The following CDKL3 variants were observed in gnomAD, a reference collection of about 807,000 sequenced individuals.
CDKL3 encodes the protein cyclin dependent kinase like 3.
In CDKL3, 65 loss-of-function variants were observed where a neutral mutation model predicts 69.3. The observed-to-expected ratio is 0.94, with a 90% CI of 0.77 to 1.15. The LOEUF (loss-of-function observed/expected upper bound fraction) is 1.15. Among genes scored for constraint, CDKL3 ranks in the 50% most tolerant of loss-of-function variants. The pLI, the probability that CDKL3 is intolerant of heterozygous loss-of-function variation, is 0.00. For missense variants in CDKL3, 652 were observed against 689.2 expected (o/e 0.95, Z 0.61); for synonymous variants, 202 against 221.6 (o/e 0.91, Z 0.79).
rs553086026 is a variant in CDKL3, at chr5:134,312,261, TA to T, written c.881+30del. 379 of 1,359,982 alleles carry T rather than the reference TA, an allele frequency of 2.8e-4. 2 individuals carry two copies. The highest frequency in any genetic ancestry group is 1.7e-3 in the Admixed American group (79 of 46,754). 84.2% of individuals were successfully genotyped at this position (1,359,982 alleles called of 1,614,324 possible). On this transcript the variant is annotated intron_variant, in intron 7 of 12. Transcript: ENST00000265334. ...AAAATTTCCCAATACAAAATGCTTT[TA>T]AAAAACCCACATTCACTCAAAATGC...
At chr5:134,293,272 G>A (rs1765206713) in intron 8 of CDKL3, among the ~76,000 whole-genome samples, 3 of 151,548 alleles carry the variant, frequency 2.0e-5, no homozygotes, top group South Asian at 2.1e-4. Context: ...TGCCCGCCTC[G>A]GCCTCCCAAA....
chr5:134,320,202 A>G (rs1003675854), intron 5 of CDKL3, among the ~76,000 whole-genome samples: 7 of 152,202 alleles, frequency 4.6e-5, no homozygotes, highest in Non-Finnish European at 1.0e-4. Context: ...GTAATTATCC[A>G]GATTTCACTG....
intron 3 of CDKL3, among the ~76,000 whole-genome samples, chr5:134,358,595 T>C (rs1186138852): frequency 6.6e-6 from 1 of 151,626 alleles, no homozygotes; most frequent in Non-Finnish European, 1.5e-5. Flanking sequence ...GCTTGCTATA[T>C]TTATTTATTT....
Position 134,298,536 on chromosome 5 carries a change from C to T in CDKL3, c.*115G>A, listed in dbSNP as rs984086971. The T allele has an allele frequency of 6.1e-6, 9 of 1,471,608 alleles. No individual in the cohort carries two copies. The African/African-American group carries it at 1.3e-4, about 21-fold the overall frequency. The allele number at this position is 1,471,608 out of a possible 1,614,324, so 91.2% of individuals were successfully genotyped here. A position where few individuals can be genotyped will look rare whatever the true frequency, so the allele number is the denominator to read the frequency against. ...TGCTAACAAAAAAAGCTGGATGATG[C>T]TCATGCACATGGATGGCTGTCTTAA... On this transcript the variant is annotated 3_prime_UTR_variant, in exon 13 of 13. Transcript: ENST00000265334.
intron 4 of CDKL3, among the ~76,000 whole-genome samples, chr5:134,331,258 C>CAGCTTCACAAATG: frequency 6.6e-6 from 1 of 152,250 alleles, no homozygotes; most frequent in African/African-American, 2.4e-5. Flanking sequence ...TGGTCTGCTG[C>CAGCTTCACAAATG]TGCAGGCTTC....
At chr5:134,353,095 A>G (rs1753724625) in intron 3 of CDKL3, among the ~76,000 whole-genome samples, 1 of 152,148 alleles carries the variant, frequency 6.6e-6, no homozygotes, top group Non-Finnish European at 1.5e-5. Context: ...ATTTTTGTAG[A>G]TGATTCATCT....
At position 134,319,342 on chromosome 5, in the gene CDKL3, A is replaced by G; in HGVS notation, c.792+16T>C. The G allele has an allele frequency of 6.7e-7, 1 of 1,495,134 alleles. No individual in the cohort carries two copies. Among genetic ancestry groups the G allele is most frequent in the Non-Finnish European group, 8.9e-7 (1 of 1,126,850 alleles). The allele number at this position is 1,495,134 out of a possible 1,614,324, so 92.6% of individuals were successfully genotyped here. A position where few individuals can be genotyped will look rare whatever the true frequency, so the allele number is the denominator to read the frequency against. On this transcript the variant is annotated intron_variant, in intron 6 of 12. Coordinates refer to ENST00000265334, the MANE Select transcript of CDKL3 (RefSeq NM_001113575.2). ...AAGACTCTGTCTCCGGGGGAGGAAAAAAAAAAAAAACATACATGAACTATA... is the reference window on the plus strand; with the variant it reads ...AAGACTCTGTCTCCGGGGGAGGAAAGAAAAAAAAAACATACATGAACTATA...
rs549085987 is a variant in CDKL3 at position 134,309,856 on chromosome 5, C to T, written c.882-1129G>A. Among the ~76,000 whole-genome samples, 15 of 152,252 alleles carry T rather than the reference C, an allele frequency of 9.9e-5. 1 individual carries two copies. In the South Asian group the frequency reaches 2.7e-3, roughly 27 times the overall value. ...AACTGGCATCTTTTCTTTTCAGACA[C>T]GGTCTCTCTCTGTTGCCCAGGCTGC... On this transcript the variant is annotated intron_variant, in intron 7 of 12. Coordinates refer to ENST00000265334, the MANE Select transcript of CDKL3 (RefSeq NM_001113575.2).
downstream of CDKL3, among the ~76,000 whole-genome samples, chr5:134,297,547 T>C (rs936513632): frequency 3.3e-5 from 5 of 152,034 alleles, no homozygotes; most frequent in Admixed American, 2.0e-4. Context: ...TTTTTAACCA[T>C]GTAATGTAAT....
chr5:134,340,640 A>G (rs1395300401), intron 4 of CDKL3, among the ~76,000 whole-genome samples: 1 of 152,182 alleles, frequency 6.6e-6, no homozygotes, highest in Non-Finnish European at 1.5e-5. Context: ...GAAAAACACA[A>G]ACTACTGAAA....
At chr5:134,297,691 C>T (rs905158822), downstream of CDKL3, among the ~76,000 whole-genome samples, 2 of 151,314 alleles carry the variant, frequency 1.3e-5, no homozygotes, top group South Asian at 2.1e-4. Flanking sequence ...AAGCGATTCT[C>T]GTGCTTCAGC....
At chr5:134,302,767 T>C (rs1336295921) in intron 11 of CDKL3, 80 bp from the exon 12 acceptor site, 8 of 710,696 alleles carry the variant, frequency 1.1e-5, no homozygotes, top group Middle Eastern at 3.6e-4. Context: ...GAATTTCAAA[T>C]AGAAATCCAC....
chr5:134,310,933 A>G (rs1769295824), intron 7 of CDKL3, among the ~76,000 whole-genome samples: 3 of 152,156 alleles, frequency 2.0e-5, no homozygotes, highest in Admixed American at 2.0e-4. Flanking sequence ...TCCATATCTG[A>G]CCTTAGCTCC....
chr5:134,313,877 C>A (rs867280346), intron 6 of CDKL3, among the ~76,000 whole-genome samples: 1 of 151,898 alleles, frequency 6.6e-6, no homozygotes, highest in Non-Finnish European at 1.5e-5. Context: ...GTGGCTCATG[C>A]GTGTAATCCC....
chr5:134,320,286 A>G (rs1267779270), intron 5 of CDKL3, among the ~76,000 whole-genome samples: 1 of 152,162 alleles, frequency 6.6e-6, no homozygotes, highest in African/African-American at 2.4e-5. Context: ...CCCACCACAC[A>G]AAGAGCTTCT....
intron 12 of CDKL3, chr5:134,299,534 T>A (rs1415458381): frequency 5.0e-6 from 6 of 1,210,206 alleles, no homozygotes; most frequent in Admixed American, 7.3e-5. Flanking sequence ...ATTAATAAAT[T>A]TAAAAACAAA....
At chr5:134,366,741 T>C (rs1757533335) in intron 1 of CDKL3, among the ~76,000 whole-genome samples, 197 bp from the exon 2 acceptor site, 1 of 151,846 alleles carries the variant, frequency 6.6e-6, no homozygotes, top group East Asian at 1.9e-4. Context: ...CTTCTGAGGC[T>C]CCACCTCTCA....
chr5:134,288,455 A>C (rs1764975916), intron 8 of CDKL3, among the ~76,000 whole-genome samples: 1 of 152,118 alleles, frequency 6.6e-6, no homozygotes, highest in South Asian at 2.1e-4. Context: ...TCTTGTATTT[A>C]ATGAAACACT....
At chr5:134,295,766 G>A (rs1765318799), downstream of CDKL3, among the ~76,000 whole-genome samples, 1 of 152,062 alleles carries the variant, frequency 6.6e-6, no homozygotes, top group South Asian at 2.1e-4. Flanking sequence ...ATTATTTTTT[G>A]AAGAACAGGA....
Sources: gnomAD v4.1 joint callset for allele counts (sites outside exome capture counted in the v4.1 genomes callset) on GRCh38, gnomAD v4.1.1 for gene constraint, MANE v1.5 for transcripts, NCBI Gene and HGNC (gene_info 2026-07-23, HGNC 2026-07-21) for gene names.